KIF3A: variants seen among roughly 807,000 people sequenced by gnomAD.
KIF3A encodes the protein kinesin family member 3A.
KIF3A carries 27 observed loss-of-function variants against 92.6 expected under a neutral mutation model. That is an observed-to-expected ratio of 0.29 (90% CI 0.21 to 0.40). The LOEUF is 0.40. Ranked by LOEUF, KIF3A falls within the 10% of genes least tolerant of loss-of-function variation. The pLI is 1.00. For synonymous variants in KIF3A, 250 were observed against 275.4 expected, an observed-to-expected ratio of 0.91 and a Z score of 0.92; for missense variants, 581 against 872.6, an observed-to-expected ratio of 0.67 and a Z score of 4.21.
chr5:132,709,710 A>G (rs903822610), intron 9 of KIF3A, among the ~76,000 whole-genome samples: 9 of 152,258 alleles, frequency 5.9e-5, no homozygotes, highest in Non-Finnish European at 8.8e-5. Context: ...TTTTCTGCAA[A>G]AGGACAGATA....
At chr5:132,731,732 A>G (rs1457638737) in intron 2 of KIF3A, among the ~76,000 whole-genome samples, 2 of 150,854 alleles carry the variant, frequency 1.3e-5, no homozygotes, top group African/African-American at 2.4e-5. Flanking sequence ...TTTTTTTGAG[A>G]CAGAGTCTTG....
chr5:132,709,330 T>C (rs1753335498), intron 9 of KIF3A, among the ~76,000 whole-genome samples: 1 of 152,192 alleles, frequency 6.6e-6, no homozygotes, highest in Non-Finnish European at 1.5e-5. Flanking sequence ...CTATTTAGGT[T>C]GATAAGTTAA....
rs1056883357 is a variant in KIF3A at position 132,695,154 on chromosome 5, T to C, written c.*1480A>G. ...AAACATATATTAAGTGGTTTAGGAG[T>C]AGCATAACTTTATTTTTATTTTATT... On this transcript the variant is annotated 3_prime_UTR_variant, in exon 19 of 19. Coordinates refer to ENST00000403231, the MANE Select transcript of KIF3A (RefSeq NM_001300791.2). The C allele has an allele frequency of 6.6e-6, 1 of 152,158 alleles. No homozygotes were observed. The highest frequency in any genetic ancestry group is 2.4e-5 in the African/African-American group (1 of 41,424). 9.4% of individuals were successfully genotyped at this position (152,158 alleles called of 1,614,324 possible).
chr5:132,708,094 T>C (rs1414156268), intron 10 of KIF3A, among the ~76,000 whole-genome samples: 1 of 152,068 alleles, frequency 6.6e-6, no homozygotes, highest in African/African-American at 2.4e-5. Flanking sequence ...CCATCCTGGC[T>C]AACACGGTGA....
rs1420892063 is a variant in KIF3A at position 132,715,824 on chromosome 5, A to C, written c.1062T>G (p.Asp354Glu). Reference sequence around the variant, plus strand: ...ACTGACGCAGCAAAGCATCCTTTGGATCTTCATTAATTCTAGCTTTATTTT... The same window carrying C: ...ACTGACGCAGCAAAGCATCCTTTGGCTCTTCATTAATTCTAGCTTTATTTT... ...NIKNKARINE[D>E]PKDALLRQFQ... Residue 354 changes from aspartate to glutamate, a missense_variant, in exon 8 of 19, where the codon GAT (aspartate) becomes GAG (glutamate). Asp to Glu is a conservative substitution (Grantham distance 45, BLOSUM62 2). Coordinates refer to ENST00000403231, the MANE Select transcript of KIF3A (RefSeq NM_001300791.2). The C allele has an allele frequency of 2.5e-6, 4 of 1,611,912 alleles. No individual in the cohort carries two copies. The highest frequency in any genetic ancestry group is 3.4e-6 in the Non-Finnish European group (4 of 1,178,624).
intron 15 of KIF3A, among the ~76,000 whole-genome samples, chr5:132,701,254 T>A (rs1029114211): frequency 2.0e-5 from 3 of 152,126 alleles, no homozygotes; most frequent in Admixed American, 2.0e-4. Flanking sequence ...TCCCATCATT[T>A]TGGGAGGCCA....
intron 2 of KIF3A, among the ~76,000 whole-genome samples, chr5:132,729,086 C>G (rs1235892275): frequency 1.3e-5 from 2 of 152,048 alleles, no homozygotes; most frequent in Admixed American, 6.5e-5. Context: ...TAGGAGGGTG[C>G]AAAGGCGTAA....
chr5:132,693,559 A>C lies in KIF3A; in HGVS notation c.*3075T>G. The C allele has an allele frequency of 6.5e-6, 1 of 152,918 alleles. No homozygotes were observed. 9.5% of individuals were successfully genotyped at this position (152,918 alleles called of 1,614,324 possible). On this transcript the variant is annotated 3_prime_UTR_variant, in exon 19 of 19. Transcript: ENST00000403231. Reference sequence around the variant, plus strand: ...ATCTATATCGTCTCACGAAATTAACACTGACCTTACAACATATTTCATTTG... The same window carrying C: ...ATCTATATCGTCTCACGAAATTAACCCTGACCTTACAACATATTTCATTTG...
At chr5:132,727,809 T>C (rs918182096) in intron 2 of KIF3A, among the ~76,000 whole-genome samples, 2 of 152,122 alleles carry the variant, frequency 1.3e-5, no homozygotes, top group Non-Finnish European at 2.9e-5. Context: ...CAGGACACAG[T>C]GTAGTAAGAA....
At chr5:132,722,407 CTT>C (rs370454107) in intron 4 of KIF3A, among the ~76,000 whole-genome samples, 29 of 152,182 alleles carry the variant, frequency 1.9e-4, no homozygotes, top group Admixed American at 5.2e-4. Context: ...CAGTTACCCT[CTT>C]GTCCTAGAAT....
At chr5:132,702,472 TATG>T in intron 14 of KIF3A, 83 bp downstream of exon 14, 1 of 794,038 alleles carries the variant, frequency 1.3e-6, no homozygotes, top group Non-Finnish European at 2.0e-6. Flanking sequence ...AAGCTCACAT[TATG>T]ATTATTTATA....
chr5:132,698,379 T>C (rs1349719401), intron 18 of KIF3A, among the ~76,000 whole-genome samples: 1 of 152,134 alleles, frequency 6.6e-6, no homozygotes. Context: ...CCTGAGCTTA[T>C]GTGATGATAC....
intron 8 of KIF3A, among the ~76,000 whole-genome samples, chr5:132,714,919 C>T (rs763519389): frequency 1.6e-4 from 24 of 152,172 alleles, no homozygotes; most frequent in Non-Finnish European, 2.8e-4. Flanking sequence ...CTAGTGGTCA[C>T]ATTTAAAACA....
intron 10 of KIF3A, among the ~76,000 whole-genome samples, chr5:132,707,149 A>T (rs545705412): frequency 6.6e-6 from 1 of 152,180 alleles, no homozygotes; most frequent in Non-Finnish European, 1.5e-5. Flanking sequence ...TTTTCCAGAA[A>T]ATAAAATTAT....
chr5:132,726,276 G>A, intron 3 of KIF3A, 64 bp from the exon 4 acceptor site: 1 of 1,568,650 alleles, frequency 6.4e-7, no homozygotes, highest in Non-Finnish European at 8.7e-7. Flanking sequence ...TTTAAAATAT[G>A]TTTATAAAAT....
Position 132,706,453 on chromosome 5 carries a change from G to T in KIF3A, c.1307C>A (p.Ala436Glu). The T allele has an allele frequency of 6.5e-7, 1 of 1,542,522 alleles. No individual in the cohort carries two copies. The highest frequency in any genetic ancestry group is 8.7e-7 in the Non-Finnish European group (1 of 1,143,280). Residue 436 changes from alanine (A) to glutamate (E), a missense_variant and splice_region_variant, in exon 11 of 19, where the codon GCA becomes GAA. Physicochemically the swap from Ala to Glu is moderately radical, Grantham distance 107. Around this residue, in one of 5 missense-constraint regions of KIF3A, gnomAD observed 167 missense variants for 205.8 expected, o/e 0.81. Coordinates refer to ENST00000403231, the MANE Select transcript of KIF3A (RefSeq NM_001300791.2). ...KPLDKFLPNQAGKKKVSPDKM... is the reference protein window; with the variant it reads ...KPLDKFLPNQEGKKKVSPDKM... The stretch of plus-strand genomic sequence containing the variant: ...GAGTGCAAATCAATCACACCAACCT[G>T]CTTGATCTTGCAATAAGAAGTAGTA...
chr5:132,700,338 T>A, intron 16 of KIF3A, 54 bp from the exon 17 acceptor site: 1 of 1,048,294 alleles, frequency 9.5e-7, no homozygotes, highest in Admixed American at 2.1e-5. Flanking sequence ...TAATCAATAC[T>A]GTGAGTTAGG....
rs1485069764 is a variant in KIF3A at position 132,694,574 on chromosome 5, T to C, written c.*2060A>G. On this transcript the variant is annotated 3_prime_UTR_variant, in exon 19 of 19. Transcript: ENST00000403231. ...AAAGCTTGATTTAAAAGTTACTCCT[T>C]TCCTATTAACTGAATTGTTAAAGGT... is the stretch of plus-strand genomic sequence containing the variant. 6.6e-6 allele frequency: 1 copy of C among 152,374 alleles called. No homozygotes were observed. Among genetic ancestry groups the C allele is most frequent in the Non-Finnish European group, 1.5e-5 (1 of 68,046 alleles). 9.4% of individuals were successfully genotyped at this position (152,374 alleles called of 1,614,324 possible).
rs1376809205 is a variant in KIF3A, at chr5:132,715,850, T to C, written c.1036A>G (p.Lys346Glu). Residue 346 changes from lysine to glutamate, a missense_variant, in exon 8 of 19, where the codon AAA (lysine) becomes GAA (glutamate). By Grantham distance (56) the Lys-to-Glu change is moderately conservative. Around this residue, in one of 5 missense-constraint regions of KIF3A, gnomAD observed 167 missense variants for 205.8 expected, o/e 0.81. Transcript: ENST00000403231. ...TCTTCATTAATTCTAGCTTTATTTT[T>C]AATATTCTTAGCACGATTGGCATAC... The part of the protein sequence containing the change: ...LRYANRAKNI[K>E]NKARINEDPK... 13 of 1,610,252 alleles carry C rather than the reference T, an allele frequency of 8.1e-6. No individual in the cohort carries two copies. The highest frequency in any genetic ancestry group is 1.1e-5 in the Non-Finnish European group (13 of 1,177,106).
Sources: allele counts gnomAD v4.1 joint callset (sites outside exome capture counted in the v4.1 genomes callset), GRCh38; gene constraint gnomAD v4.1.1; regional missense constraint gnomAD v4.1.1; transcripts MANE v1.5; gene names NCBI Gene and HGNC (gene_info 2026-07-23, HGNC 2026-07-21).